Variants in ANGPTL2 observed in about 807,000 individuals in gnomAD.
The protein encoded by ANGPTL2 is angiopoietin like 2.
In ANGPTL2, 25 loss-of-function variants were observed where a neutral mutation model predicts 52.8. The observed-to-expected ratio is 0.47, with a 90% confidence interval of 0.35 to 0.66. The LOEUF (loss-of-function observed/expected upper bound fraction) is 0.66, where lower values mean the gene tolerates loss of function less well. Among genes scored for constraint, ANGPTL2 ranks in the 30% least tolerant of loss-of-function variants. The pLI, the probability that ANGPTL2 is intolerant of heterozygous loss-of-function variation, is 0.01. For synonymous variants in ANGPTL2, 276 were observed against 277.4 expected (o/e 1.00, Z 0.05); for missense variants, 546 against 656.9 (o/e 0.83, Z 1.84).
chr9:127,093,636 G>A (rs1012520054), intron 3 of ANGPTL2, 97 bp downstream of exon 3: 147 of 1,438,740 alleles, frequency 1.0e-4, no homozygotes, highest in Non-Finnish European at 2.6e-5. Flanking sequence ...TGGTCAGCAT[G>A]TACCTCTGAG....
At position 127,108,450 on chromosome 9, in the gene ANGPTL2, AT is replaced by A; in HGVS notation, c.281del (p.Asn94MetfsTer24). 6.2e-7 allele frequency: 1 copy of A among 1,610,108 alleles called. No homozygotes were observed. Among genetic ancestry groups the A allele is most frequent in the Non-Finnish European group, 8.5e-7 (1 of 1,179,180 alleles). On this transcript the variant is annotated frameshift_variant, in exon 2 of 5. Coordinates refer to ENST00000373425, the MANE Select transcript of ANGPTL2 (RefSeq NM_012098.3). LOFTEE classifies it high-confidence loss of function. ...VHKQELELLNNELLKQKRQIE... is the reference protein window; with the variant it reads ...VHKQELELLNXELLKQKRQIE... ...TCTGCCGCTTCTGCTTGAGCAGCTCATTGTTGAGCAGCTCTAGCTCCTGCTT... is the reference window on the plus strand; with the variant it reads ...TCTGCCGCTTCTGCTTGAGCAGCTCATGTTGAGCAGCTCTAGCTCCTGCTT...
chr9:127,095,881 C>A (rs534432105), intron 2 of ANGPTL2, among the ~76,000 whole-genome samples: 2 of 152,206 alleles, frequency 1.3e-5, no homozygotes, highest in Non-Finnish European at 2.9e-5. Flanking sequence ...CCACCTAGAA[C>A]CTGACGGGAA....
chr9:127,120,461 C>T (rs1335105544), intron 1 of ANGPTL2, among the ~76,000 whole-genome samples: 2 of 152,184 alleles, frequency 1.3e-5, no homozygotes, highest in South Asian at 2.1e-4. Flanking sequence ...TGATAGTAGC[C>T]ACAGTATTAT....
intron 2 of ANGPTL2, among the ~76,000 whole-genome samples, chr9:127,098,957 T>C (rs964746892): frequency 6.6e-6 from 1 of 152,182 alleles, no homozygotes; most frequent in Non-Finnish European, 1.5e-5. Context: ...GCAGTGCCCC[T>C]CTTACTAGGA....
chr9:127,119,873 CAG>C (rs2055861505), intron 1 of ANGPTL2, among the ~76,000 whole-genome samples: 2 of 152,216 alleles, frequency 1.3e-5, no homozygotes. Context: ...CCAGAGAAGA[CAG>C]TGAGCCACCA....
intron 1 of ANGPTL2, among the ~76,000 whole-genome samples, chr9:127,116,652 G>C (rs1304681541): frequency 6.6e-6 from 1 of 152,212 alleles, no homozygotes; most frequent in Non-Finnish European, 1.5e-5. Flanking sequence ...ACTTTCTTGG[G>C]AAGTCCAGGC....
intron 1 of ANGPTL2, among the ~76,000 whole-genome samples, chr9:127,112,694 A>G (rs900774623): frequency 2.6e-5 from 4 of 152,270 alleles, no homozygotes; most frequent in African/African-American, 9.6e-5. Context: ...GGTGAGCAGC[A>G]TGGAAGTGCA....
rs943779834 is a variant in ANGPTL2 at position 127,122,282 on chromosome 9, CT to C, written c.-50+32del. The C allele has an allele frequency of 1.3e-5, 2 of 152,382 alleles. No homozygotes were observed. The highest frequency in any genetic ancestry group is 2.4e-5 in the African/African-American group (1 of 41,480). The allele number at this position is 152,382 out of a possible 1,614,324, so 9.4% of individuals were successfully genotyped here. On this transcript the variant is annotated intron_variant, in intron 1 of 4. Transcript: ENST00000373425. The surrounding 1 kb of genome is among the most constrained non-coding windows in gnomAD (Gnocchi z 6.4). ...CGGGGCCAGCGGCTGCCTCTCGCCC[CT>C]GCCTCTCATGGCCGCAGAGCTGGCC...
chr9:127,121,721 G>A (rs1207690333), intron 1 of ANGPTL2, among the ~76,000 whole-genome samples: 1 of 152,256 alleles, frequency 6.6e-6, no homozygotes, highest in Admixed American at 6.5e-5. Context: ...GTACCATCCA[G>A]TGCAGCAGCC....
chr9:127,102,606 T>C (rs2053846359), intron 2 of ANGPTL2, among the ~76,000 whole-genome samples: 1 of 152,208 alleles, frequency 6.6e-6, no homozygotes, highest in Admixed American at 6.5e-5. Context: ...GTGTCATCTT[T>C]GGAAAACTGC....
intron 1 of ANGPTL2, among the ~76,000 whole-genome samples, chr9:127,120,589 C>G (rs777396734): frequency 6.6e-6 from 1 of 152,166 alleles, no homozygotes. Context: ...TTCGGGAGGC[C>G]GAGGTGGGCG....
chr9:127,110,422 T>C (rs1397345540), intron 1 of ANGPTL2, among the ~76,000 whole-genome samples: 1 of 152,212 alleles, frequency 6.6e-6, no homozygotes, highest in African/African-American at 2.4e-5. Flanking sequence ...CTTTCTCTAC[T>C]GTTGAGGGGA....
At chr9:127,097,867 G>T (rs1223898544) in intron 2 of ANGPTL2, among the ~76,000 whole-genome samples, 1 of 152,208 alleles carries the variant, frequency 6.6e-6, no homozygotes, top group Admixed American at 6.5e-5. Context: ...CCTATGCACA[G>T]TGTGACTTTG....
chr9:127,095,202 T>G (rs1210475819), intron 2 of ANGPTL2, among the ~76,000 whole-genome samples: 1 of 152,106 alleles, frequency 6.6e-6, no homozygotes, highest in Non-Finnish European at 1.5e-5. Flanking sequence ...ATCGAGACCA[T>G]CCTGGCTAAC....
intron 3 of ANGPTL2, among the ~76,000 whole-genome samples, chr9:127,092,273 C>T (rs897848662): frequency 6.6e-6 from 1 of 152,196 alleles, no homozygotes; most frequent in African/African-American, 2.4e-5. Context: ...AGGCACGCAG[C>T]AGGCATTCCT....
chr9:127,088,927 G>T lies in ANGPTL2; in HGVS notation c.*12C>A, dbSNP rs377418491. ...TGGCAATGGCCACGAGAGGTCAGGA[G>T]GGGGAGCTGGCTTAGTGGAAGGTGT... On this transcript the variant is annotated 3_prime_UTR_variant, in exon 5 of 5. Transcript: ENST00000373425. 1.9e-6 allele frequency: 3 copies of T among 1,614,202 alleles called. No homozygotes were observed. The highest frequency in any genetic ancestry group is 1.7e-5 in the Admixed American group (1 of 60,022).
intron 2 of ANGPTL2, among the ~76,000 whole-genome samples, chr9:127,105,083 GTC>G (rs2054089980): frequency 6.6e-6 from 1 of 152,140 alleles, no homozygotes; most frequent in Non-Finnish European, 1.5e-5. Context: ...CCTGGGCTCT[GTC>G]TACCCATTCA....
At chr9:127,119,116 C>G (rs1007881073) in intron 1 of ANGPTL2, among the ~76,000 whole-genome samples, 12 of 152,198 alleles carry the variant, frequency 7.9e-5, no homozygotes, top group Non-Finnish European at 1.6e-4. Flanking sequence ...TATCGCAGAG[C>G]ACCCAGGCAC....
intron 1 of ANGPTL2, among the ~76,000 whole-genome samples, chr9:127,109,973 A>T (rs1296115645): frequency 6.6e-6 from 1 of 152,240 alleles, no homozygotes; most frequent in African/African-American, 2.4e-5. Context: ...TTGCTCCAGC[A>T]GTCCTCACCG....
Sources: allele counts gnomAD v4.1 joint callset (sites outside exome capture counted in the v4.1 genomes callset), GRCh38; gene constraint gnomAD v4.1.1; non-coding constraint Gnocchi (gnomAD v3.1); transcripts MANE v1.5; gene names NCBI Gene and HGNC (gene_info 2026-07-23, HGNC 2026-07-21).